Variants in ESRRG observed in about 807,000 individuals in gnomAD.
The protein encoded by ESRRG is estrogen related receptor gamma.
ESRRG carries 13 observed loss-of-function variants against 44.0 expected under a neutral mutation model. That is an observed-to-expected ratio of 0.30 (90% CI 0.19 to 0.47). The LOEUF is 0.47. Among genes scored for constraint, ESRRG ranks in the 20% least tolerant of loss-of-function variants. ESRRG has a pLI of 1.00. For synonymous variants in ESRRG, 215 were observed against 214.6 expected, an observed-to-expected ratio of 1.00 and a Z score of -0.02; for missense variants, 395 against 580.6, an observed-to-expected ratio of 0.68 and a Z score of 3.29.
intron 1 of ESRRG, among the ~76,000 whole-genome samples, chr1:216,961,239 C>G (rs2068991708): frequency 6.6e-6 from 1 of 152,164 alleles, no homozygotes; most frequent in Non-Finnish European, 1.5e-5. Flanking sequence ...CCTTATACCA[C>G]ACAAAACAAA....
intron 2 of ESRRG, among the ~76,000 whole-genome samples, chr1:216,876,793 C>G (rs1227361932): frequency 6.6e-6 from 1 of 152,068 alleles, no homozygotes; most frequent in Admixed American, 6.6e-5. Flanking sequence ...GTCCACTGAC[C>G]TACCCGCAGT....
chr1:216,937,399 A>C (rs1403133181), intron 2 of ESRRG, among the ~76,000 whole-genome samples: 1 of 152,168 alleles, frequency 6.6e-6, no homozygotes, highest in Non-Finnish European at 1.5e-5. Context: ...GGTTTCATTG[A>C]TTAGTTGATA....
At chr1:216,576,928 C>T (rs1463203955) in intron 3 of ESRRG, among the ~76,000 whole-genome samples, 2 of 151,984 alleles carry the variant, frequency 1.3e-5, no homozygotes, top group East Asian at 3.9e-4. Context: ...CTGAGCCTTA[C>T]AATACCCAAT....
intron 1 of ESRRG, among the ~76,000 whole-genome samples, chr1:217,003,143 C>A (rs1368186805): frequency 6.6e-6 from 1 of 152,014 alleles, no homozygotes; most frequent in Non-Finnish European, 1.5e-5. Flanking sequence ...GATAAAACTA[C>A]ATCAGGAAGT....
At chr1:216,991,427 C>T (rs887974504) in intron 1 of ESRRG, among the ~76,000 whole-genome samples, 2 of 152,072 alleles carry the variant, frequency 1.3e-5, no homozygotes, top group African/African-American at 4.8e-5. Flanking sequence ...CTTATTAACT[C>T]GGCATATATT....
At chr1:217,068,466 G>A (rs987061971) in intron 1 of ESRRG, among the ~76,000 whole-genome samples, 1 of 151,252 alleles carries the variant, frequency 6.6e-6, no homozygotes, top group East Asian at 2.0e-4. Flanking sequence ...GAATCTCTAA[G>A]AGGTGAAATC....
intron 3 of ESRRG, among the ~76,000 whole-genome samples, chr1:216,633,774 T>C (rs371026640): frequency 7.2e-5 from 11 of 152,320 alleles, no homozygotes; most frequent in African/African-American, 2.6e-4. Flanking sequence ...TTCAGATACA[T>C]GACATGCTTT....
intron 1 of ESRRG, among the ~76,000 whole-genome samples, chr1:216,687,919 C>T (rs1219882544): frequency 6.6e-6 from 1 of 152,118 alleles, no homozygotes; most frequent in Non-Finnish European, 1.5e-5. Flanking sequence ...TTTACTACAT[C>T]ACATCAAAGT....
intron 2 of ESRRG, among the ~76,000 whole-genome samples, chr1:216,754,022 C>T (rs1440468436): frequency 6.6e-6 from 1 of 152,068 alleles, no homozygotes; most frequent in Non-Finnish European, 1.5e-5. Flanking sequence ...CCTACCATTG[C>T]TGCTCTCAGG....
chr1:217,043,671 A>G (rs11807917), intron 1 of ESRRG, among the ~76,000 whole-genome samples: 56,167 of 151,888 alleles, frequency 0.37, 10,767 homozygotes, highest in Non-Finnish European at 0.41. Flanking sequence ...TTGCACCCCA[A>G]TCCTGGCTCT....
At chr1:216,528,737 A>G (rs1367384280) in intron 5 of ESRRG, among the ~76,000 whole-genome samples, 1 of 152,160 alleles carries the variant, frequency 6.6e-6, no homozygotes, top group African/African-American at 2.4e-5. Context: ...TTGCAAGAAG[A>G]TTGAGAAATC....
chr1:216,664,164 A>G (rs2073269708), intron 2 of ESRRG, among the ~76,000 whole-genome samples: 1 of 152,134 alleles, frequency 6.6e-6, no homozygotes, highest in African/African-American at 2.4e-5. Flanking sequence ...ATACAATCTA[A>G]AATCATTCAA....
At chr1:216,642,380 AT>A (rs1166661554) in intron 3 of ESRRG, among the ~76,000 whole-genome samples, 2 of 152,218 alleles carry the variant, frequency 1.3e-5, no homozygotes, top group East Asian at 3.9e-4. Context: ...GAGACTGACT[AT>A]TCAAGTTTCA....
At chr1:216,849,922 G>A (rs1359071799) in intron 2 of ESRRG, among the ~76,000 whole-genome samples, 4 of 152,080 alleles carry the variant, frequency 2.6e-5, no homozygotes, top group Non-Finnish European at 5.9e-5. Context: ...TCAGCAGAAA[G>A]AAGTTTATGA....
chr1:216,764,548 C>T lies in ESRRG; in HGVS notation c.-13-87057G>A, dbSNP rs150585627. 3.1e-3 allele frequency among the ~76,000 whole-genome samples: 472 copies of T among 151,288 alleles called. 2 individuals carry two copies. Among genetic ancestry groups the T allele is most frequent in the African/African-American group, 0.011 (456 of 41,304 alleles). ...CCTCCCAAAGTGCTGGGATTACAGGCATGAGACACCATGCCCGGCCCAGGG... is the reference window on the plus strand; with the variant it reads ...CCTCCCAAAGTGCTGGGATTACAGGTATGAGACACCATGCCCGGCCCAGGG... On this transcript the variant is annotated intron_variant, in intron 2 of 7. Transcript: ENST00000359162.
intron 1 of ESRRG, among the ~76,000 whole-genome samples, chr1:216,956,015 T>A (rs1378870742): frequency 6.6e-6 from 1 of 152,168 alleles, no homozygotes; most frequent in Non-Finnish European, 1.5e-5. Flanking sequence ...TCTTTTGACT[T>A]CATAAATTGT....
chr1:217,133,637 C>CTTTCTTTCTTTCTTTCTTTCTTTCTT (rs1553294741), intron 1 of ESRRG, among the ~76,000 whole-genome samples: 1 of 40,306 alleles, frequency 2.5e-5, no homozygotes, highest in African/African-American at 1.1e-4. Context: ...TTCTTTCTCT[C>CTTTCTTTCTTTCTTTCTTTCTTTCTT]TCTCTCTCTC....
chr1:217,000,022 T>A (rs2076826378), intron 1 of ESRRG, among the ~76,000 whole-genome samples: 1 of 152,234 alleles, frequency 6.6e-6, no homozygotes, highest in South Asian at 2.1e-4. Context: ...CATGGAAATG[T>A]GGGCTAAACA....
At chr1:216,714,796 A>G (rs182076917) in intron 1 of ESRRG, among the ~76,000 whole-genome samples, 2 of 152,336 alleles carry the variant, frequency 1.3e-5, no homozygotes, top group Admixed American at 6.5e-5. Context: ...CTCCATTTCT[A>G]TCTATTAAAA....
Sources: allele counts gnomAD v4.1 joint callset (sites outside exome capture counted in the v4.1 genomes callset), GRCh38; gene constraint gnomAD v4.1.1; transcripts MANE v1.5; gene names NCBI Gene and HGNC (gene_info 2026-07-23, HGNC 2026-07-21).